The following CCDC85A variants were observed in gnomAD, a reference collection of about 807,000 sequenced individuals.
The protein encoded by CCDC85A is coiled-coil domain-containing protein 85A.
In CCDC85A, 38 loss-of-function variants were observed where a neutral mutation model predicts 50.2. That is an observed-to-expected ratio of 0.76 (90% CI 0.58 to 0.99). CCDC85A has a LOEUF of 0.99. Among genes scored for constraint, CCDC85A ranks in the 50% least tolerant of loss-of-function variants. The pLI is 0.00. For synonymous variants in CCDC85A, 366 were observed against 301.4 expected, an observed-to-expected ratio of 1.21 and a Z score of -2.22; for missense variants, 820 against 742.0, an observed-to-expected ratio of 1.11 and a Z score of -1.22.
At chr2:56,344,791 G>T (rs1385669517) in intron 3 of CCDC85A, among the ~76,000 whole-genome samples, 1 of 151,938 alleles carries the variant, frequency 6.6e-6, no homozygotes, top group East Asian at 1.9e-4. Context: ...ATTATACATG[G>T]TTGTGCCATC....
intron 2 of CCDC85A, among the ~76,000 whole-genome samples, chr2:56,283,721 G>T (rs1363028680): frequency 6.6e-6 from 1 of 151,970 alleles, no homozygotes; most frequent in Admixed American, 6.6e-5. Context: ...ATATCTGTAG[G>T]ATCTGTAATG....
intron 2 of CCDC85A, among the ~76,000 whole-genome samples, chr2:56,313,480 T>C (rs1234605901): frequency 6.6e-6 from 1 of 152,138 alleles, no homozygotes; most frequent in East Asian, 1.9e-4. Flanking sequence ...GGCAGTATTT[T>C]TGATTTTAGG....
At chr2:56,292,419 C>T (rs1434253128) in intron 2 of CCDC85A, among the ~76,000 whole-genome samples, 1 of 152,172 alleles carries the variant, frequency 6.6e-6, no homozygotes, top group Middle Eastern at 3.2e-3. Context: ...ATAAAGGATA[C>T]ACATTTTCTC....
chr2:56,250,046 G>A (rs1454508766), intron 2 of CCDC85A, among the ~76,000 whole-genome samples: 7 of 152,204 alleles, frequency 4.6e-5, no homozygotes, highest in Non-Finnish European at 8.8e-5. Flanking sequence ...CAGGGGCTTT[G>A]TAGATGATAT....
intron 2 of CCDC85A, among the ~76,000 whole-genome samples, chr2:56,315,925 T>G (rs2104242208): frequency 6.6e-6 from 1 of 152,240 alleles, no homozygotes; most frequent in Middle Eastern, 3.4e-3. Context: ...TGAATGTATG[T>G]AACTAGAATA....
rs192365852 is a variant in CCDC85A, at chr2:56,313,727, G to T, written c.1241-29152G>T. ...GCCATGGATACTTGCTGTGGCAGAA[G>T]GTTGTCCTACAGGCACTGGAACATG... On this transcript the variant is annotated intron_variant, in intron 2 of 5. Coordinates refer to ENST00000407595, the MANE Select transcript of CCDC85A (RefSeq NM_001080433.2). Among the ~76,000 whole-genome samples, 6 of 152,232 alleles carry T rather than the reference G, an allele frequency of 3.9e-5. No homozygotes were observed. In the East Asian group the frequency reaches 7.7e-4, roughly 20 times the overall value.
intron 2 of CCDC85A, among the ~76,000 whole-genome samples, chr2:56,338,682 T>G (rs1233632741): frequency 6.6e-6 from 1 of 152,198 alleles, no homozygotes; most frequent in African/African-American, 2.4e-5. Context: ...CAGGCTCAGC[T>G]GACCTATGGT....
intron 3 of CCDC85A, among the ~76,000 whole-genome samples, chr2:56,371,014 A>G (rs10204181): frequency 0.04 from 6,099 of 152,132 alleles, 398 homozygotes; most frequent in African/African-American, 0.14. Context: ...TTAAGCTGTG[A>G]ATCATGTTAT....
At position 56,303,181 on chromosome 2, in the gene CCDC85A, G is replaced by A. The variant is rs375474408; in HGVS notation, c.1241-39698G>A. ...TCGTTGACTTTTTTGTCTATGTGCT[G>A]TACTTGATTCGGAGTGCGCTTTTTG... On this transcript the variant is annotated intron_variant, in intron 2 of 5. Transcript: ENST00000407595. Among the ~76,000 whole-genome samples the A allele has an allele frequency of 5.3e-5, 8 of 152,262 alleles. No homozygotes were observed. The East Asian group carries it at 1.4e-3, about 26-fold the overall frequency.
rs565718839 is a variant in CCDC85A, at chr2:56,320,303, G to A, written c.1241-22576G>A. 1.1e-4 allele frequency among the ~76,000 whole-genome samples: 16 copies of A among 151,942 alleles called. 1 individual carries two copies. In the South Asian group the frequency reaches 2.9e-3, roughly 28 times the overall value. On this transcript the variant is annotated intron_variant, in intron 2 of 5. Coordinates refer to ENST00000407595, the MANE Select transcript of CCDC85A (RefSeq NM_001080433.2). ...TAACTAAGATCAGAGCAGAACTGAA[G>A]GAGATAGAGACACAAAAAACCCTTC...
intron 2 of CCDC85A, among the ~76,000 whole-genome samples, chr2:56,252,171 C>T (rs558153855): frequency 9.1e-4 from 139 of 151,956 alleles, no homozygotes; most frequent in African/African-American, 3.1e-3. Context: ...CTCAGCCTCC[C>T]GAGTAGCTGG....
chr2:56,184,410 C>G lies in CCDC85A; in HGVS notation c.-215C>G, dbSNP rs1414156555. ...TCGGCAGCAGCAAGCGGCTGGCTGC[C>G]GGGCCCTGGGGGAGCGCGGGCGCGC... On this transcript the variant is annotated 5_prime_UTR_variant, in exon 1 of 6. Transcript: ENST00000407595. 34 of 532,408 alleles carry G rather than the reference C, an allele frequency of 6.4e-5. No homozygotes were observed. Among genetic ancestry groups the G allele is most frequent in the Non-Finnish European group, 8.5e-5 (31 of 365,308 alleles). 33.0% of individuals were successfully genotyped at this position (532,408 alleles called of 1,614,324 possible).
intron 2 of CCDC85A, among the ~76,000 whole-genome samples, chr2:56,288,457 A>G (rs188407191): frequency 9.8e-5 from 15 of 152,332 alleles, no homozygotes; most frequent in Admixed American, 5.9e-4. Flanking sequence ...TTGATACTTC[A>G]TAAATAATGA....
At chr2:56,352,311 T>C (rs529548479) in intron 3 of CCDC85A, among the ~76,000 whole-genome samples, 6 of 152,298 alleles carry the variant, frequency 3.9e-5, no homozygotes, top group Admixed American at 3.9e-4. Context: ...TTTGACAATA[T>C]AAGACAGTTT....
intron 4 of CCDC85A, among the ~76,000 whole-genome samples, chr2:56,373,329 C>T (rs1676175033): frequency 6.7e-6 from 1 of 150,358 alleles, no homozygotes; most frequent in Non-Finnish European, 1.5e-5. Context: ...ATACTCCAGG[C>T]AAAATACTAT....
At chr2:56,361,784 G>A (rs80215089) in intron 3 of CCDC85A, among the ~76,000 whole-genome samples, 3 of 152,166 alleles carry the variant, frequency 2.0e-5, no homozygotes, top group Admixed American at 2.0e-4. Context: ...GATATGAGTC[G>A]ATGGAATGCT....
chr2:56,310,093 C>G (rs886748630), intron 2 of CCDC85A, among the ~76,000 whole-genome samples: 1 of 152,146 alleles, frequency 6.6e-6, no homozygotes, highest in East Asian at 1.9e-4. Flanking sequence ...CTCCAGGTCT[C>G]GTCCAACTTG....
At chr2:56,223,400 C>T (rs186913125) in intron 2 of CCDC85A, among the ~76,000 whole-genome samples, 196 of 152,254 alleles carry the variant, frequency 1.3e-3, no homozygotes, top group African/African-American at 4.5e-3. Flanking sequence ...AATAAAACTT[C>T]ATTTACAAAC....
intron 2 of CCDC85A, among the ~76,000 whole-genome samples, chr2:56,288,709 T>C (rs1027115716): frequency 6.7e-6 from 1 of 150,062 alleles, no homozygotes; most frequent in African/African-American, 2.4e-5. Flanking sequence ...ACCCCAAAAA[T>C]CATCATTAAA....
Sources: gnomAD v4.1 joint callset for allele counts (sites outside exome capture counted in the v4.1 genomes callset) on GRCh38, gnomAD v4.1.1 for gene constraint, MANE v1.5 for transcripts, NCBI Gene and HGNC (gene_info 2026-07-23, HGNC 2026-07-21) for gene names.